The following KCNAB1 variants were observed in gnomAD, a reference collection of about 807,000 sequenced individuals.
KCNAB1 encodes the protein potassium voltage-gated channel subfamily A regulatory beta subunit 1, also known as voltage-gated potassium channel subunit beta-1.
KCNAB1 carries 35 observed loss-of-function variants against 64.6 expected under a neutral mutation model. That is an observed-to-expected ratio of 0.54 (90% confidence interval 0.41 to 0.72). The LOEUF is 0.72. KCNAB1 is among the 30% of genes least tolerant of loss of function. The pLI is 0.00. For missense variants in KCNAB1, 401 were observed against 512.9 expected, an observed-to-expected ratio of 0.78 and a Z score of 2.11; for synonymous variants, 177 against 183.8, an observed-to-expected ratio of 0.96 and a Z score of 0.30.
At chr3:156,154,405 A>G (rs1715597294) in intron 1 of KCNAB1, among the ~76,000 whole-genome samples, 1 of 151,952 alleles carries the variant, frequency 6.6e-6, no homozygotes, top group Non-Finnish European at 1.5e-5. Flanking sequence ...TTATTACAGG[A>G]GGGGTCATCA....
chr3:156,358,116 G>C (rs1203844590), intron 1 of KCNAB1, among the ~76,000 whole-genome samples: 2 of 152,168 alleles, frequency 1.3e-5, no homozygotes, highest in Non-Finnish European at 2.9e-5. Flanking sequence ...GTGGCTAGTA[G>C]CTACCTCATT....
intron 1 of KCNAB1, among the ~76,000 whole-genome samples, chr3:156,273,903 C>T (rs1719183535): frequency 6.6e-6 from 1 of 152,170 alleles, no homozygotes; most frequent in Non-Finnish European, 1.5e-5. Flanking sequence ...AGCTATTGCA[C>T]TTATTCTGAC....
At chr3:156,377,271 A>G (rs1368691242) in intron 1 of KCNAB1, among the ~76,000 whole-genome samples, 2 of 152,142 alleles carry the variant, frequency 1.3e-5, no homozygotes, top group South Asian at 2.1e-4. Context: ...TTCCTGACCA[A>G]TGATTCCAGC....
intron 1 of KCNAB1, among the ~76,000 whole-genome samples, chr3:156,292,594 G>A (rs1720508600): frequency 6.6e-6 from 1 of 152,180 alleles, no homozygotes; most frequent in South Asian, 2.1e-4. Flanking sequence ...CTGGAGTGCA[G>A]TGGTGCGATC....
chr3:156,406,307 C>T (rs879343492), intron 1 of KCNAB1, among the ~76,000 whole-genome samples: 2 of 152,154 alleles, frequency 1.3e-5, no homozygotes, highest in Non-Finnish European at 2.9e-5. Context: ...CATTCCCCAG[C>T]TCCTTGGTCA....
chr3:156,409,162 C>T (rs1385770588), intron 1 of KCNAB1, among the ~76,000 whole-genome samples: 3 of 152,172 alleles, frequency 2.0e-5, no homozygotes, highest in African/African-American at 4.8e-5. Context: ...AAAGAATTCT[C>T]AGAGCACCAG....
At chr3:156,431,153 C>A (rs990307929) in intron 2 of KCNAB1, among the ~76,000 whole-genome samples, 7 of 152,132 alleles carry the variant, frequency 4.6e-5, no homozygotes, top group African/African-American at 1.7e-4. Flanking sequence ...CCTTTCCCTC[C>A]TTTGCACACT....
At chr3:156,177,006 A>G (rs1577675246) in intron 1 of KCNAB1, 1 of 615,366 alleles carries the variant, frequency 1.6e-6, no homozygotes, top group East Asian at 2.6e-5. Flanking sequence ...CTCAGTGCAT[A>G]GGGTCCCTGT....
At position 156,402,240 on chromosome 3, in the gene KCNAB1, C is replaced by T. The variant is rs185569882; in HGVS notation, c.276-19376C>T. On this transcript the variant is annotated intron_variant, in intron 1 of 13. Coordinates refer to ENST00000490337, the MANE Select transcript of KCNAB1 (RefSeq NM_172160.3). ...ACAATCTTAGCGTTTCATAATCCTT[C>T]GAGACCTTAAATACTATCAGAATCT... 6.6e-4 allele frequency among the ~76,000 whole-genome samples: 100 copies of T among 151,196 alleles called. 1 individual carries two copies. Among genetic ancestry groups the T allele is most frequent in the Non-Finnish European group, 3.5e-4 (24 of 67,860 alleles).
intron 1 of KCNAB1, among the ~76,000 whole-genome samples, chr3:156,336,969 A>C (rs1382283890): frequency 6.6e-6 from 1 of 152,244 alleles, no homozygotes; most frequent in African/African-American, 2.4e-5. Context: ...AGACCTACTG[A>C]AAATGCTATT....
intron 1 of KCNAB1, among the ~76,000 whole-genome samples, chr3:156,384,907 G>A (rs1231464644): frequency 6.6e-6 from 1 of 152,122 alleles, no homozygotes; most frequent in Non-Finnish European, 1.5e-5. Context: ...ATGGGAAGGA[G>A]GGTAAAGGCA....
At chr3:156,282,384 A>C (rs200644018) in intron 1 of KCNAB1, among the ~76,000 whole-genome samples, 94,195 of 124,648 alleles carry the variant, frequency 0.76, 35,795 homozygotes, top group East Asian at 0.97. Flanking sequence ...CTTTACTTCC[A>C]AGTATGTGGT....
chr3:156,303,638 C>G (rs1040022178), intron 1 of KCNAB1, among the ~76,000 whole-genome samples: 1 of 152,152 alleles, frequency 6.6e-6, no homozygotes, highest in Admixed American at 6.5e-5. Flanking sequence ...TAGAACCCCT[C>G]ACAGGGCTAG....
chr3:156,307,757 TA>T (rs1334084009), intron 1 of KCNAB1, among the ~76,000 whole-genome samples: 1 of 152,240 alleles, frequency 6.6e-6, no homozygotes, highest in African/African-American at 2.4e-5. Flanking sequence ...GTCTAATTAC[TA>T]AACTATTGTT....
At chr3:156,343,515 A>G (rs534470078) in intron 1 of KCNAB1, among the ~76,000 whole-genome samples, 2 of 152,324 alleles carry the variant, frequency 1.3e-5, no homozygotes, top group East Asian at 3.9e-4. Flanking sequence ...AGCTTCTTTC[A>G]GCAAATTGGC....
intron 8 of KCNAB1, among the ~76,000 whole-genome samples, chr3:156,502,430 C>T (rs933450723): frequency 2.6e-5 from 4 of 151,668 alleles, no homozygotes; most frequent in Non-Finnish European, 5.9e-5. Context: ...TCTAGAACAT[C>T]AGTGGGAAAA....
chr3:156,409,809 A>T (rs1714513942), intron 1 of KCNAB1, among the ~76,000 whole-genome samples: 1 of 152,262 alleles, frequency 6.6e-6, no homozygotes, highest in Non-Finnish European at 1.5e-5. Flanking sequence ...AAAATGAAGA[A>T]TAATAAAAAG....
At chr3:156,442,831 A>T (rs1717100031) in intron 2 of KCNAB1, among the ~76,000 whole-genome samples, 1 of 152,112 alleles carries the variant, frequency 6.6e-6, no homozygotes, top group Admixed American at 6.6e-5. Context: ...AATTCTTAAA[A>T]GGGTTTGAGG....
chr3:156,188,458 C>A (rs1013192095), intron 1 of KCNAB1, among the ~76,000 whole-genome samples: 1 of 152,064 alleles, frequency 6.6e-6, no homozygotes, highest in Non-Finnish European at 1.5e-5. Context: ...AAAGGCTTGA[C>A]ATTTAATTTA....
Sources: allele counts gnomAD v4.1 joint callset (sites outside exome capture counted in the v4.1 genomes callset), GRCh38; gene constraint gnomAD v4.1.1; transcripts MANE v1.5; gene names NCBI Gene and HGNC (gene_info 2026-07-23, HGNC 2026-07-21).